The following XXYLT1 variants were observed in gnomAD, a reference collection of about 807,000 sequenced individuals.
XXYLT1 encodes the protein UDP-xylose:alpha-xyloside alpha-1,3-xylosyltransferase.
In XXYLT1, 20 loss-of-function variants were observed where a neutral mutation model predicts 28.9. That is an observed-to-expected ratio of 0.69 (90% CI 0.49 to 1.00). The LOEUF (loss-of-function observed/expected upper bound fraction) is 1.00. Ranked by LOEUF, XXYLT1 falls within the 50% of genes least tolerant of loss-of-function variation. The pLI is 0.00. For synonymous variants in XXYLT1, 257 were observed against 253.8 expected (o/e 1.01, Z -0.12); for missense variants, 542 against 560.1 (o/e 0.97, Z 0.33).
Position 195,131,659 on chromosome 3 carries a change from A to C in XXYLT1, c.785+24790T>G, listed in dbSNP as rs115897643. On this transcript the variant is annotated intron_variant, in intron 3 of 3. Coordinates refer to ENST00000310380, the MANE Select transcript of XXYLT1 (RefSeq NM_152531.5). ...CTGAGAACCTCCTTCTGCGAAGACC[A>C]CTCTCAGAGCACAAGCAGGGGCAGG... is the stretch of plus-strand genomic sequence containing the variant. Among the ~76,000 whole-genome samples, 507 of 152,230 alleles carry C rather than the reference A, an allele frequency of 3.3e-3. 2 individuals carry two copies. Among genetic ancestry groups the C allele is most frequent in the African/African-American group, 0.012 (486 of 41,542 alleles).
intron 3 of XXYLT1, among the ~76,000 whole-genome samples, chr3:195,106,493 G>A (rs547845550): frequency 1.1e-3 from 169 of 152,342 alleles, no homozygotes; most frequent in African/African-American, 3.3e-3. Flanking sequence ...TGTCTACGCC[G>A]GGCTCGCTGG....
At position 195,069,692 on chromosome 3, in the gene XXYLT1, C is replaced by T. The variant is rs571856496; in HGVS notation, c.*23G>A. The T allele has an allele frequency of 2.1e-5, 34 of 1,592,738 alleles. No homozygotes were observed. Among genetic ancestry groups the T allele is most frequent in the African/African-American group, 1.1e-4 (8 of 74,824 alleles). On this transcript the variant is annotated 3_prime_UTR_variant, in exon 4 of 4. Coordinates refer to ENST00000310380, the MANE Select transcript of XXYLT1 (RefSeq NM_152531.5). ...GTCCTTCCCCCAGATCTGGAGGCCC[C>T]GGGGGCAAGGCACGGGGAGCGCCTA...
Position 195,256,011 on chromosome 3 carries a change from A to G in XXYLT1, c.504+14544T>C, listed in dbSNP as rs549426518. 2.0e-5 allele frequency among the ~76,000 whole-genome samples: 3 copies of G among 152,276 alleles called. No individual in the cohort carries two copies. The East Asian group carries it at 5.8e-4, about 29-fold the overall frequency. On this transcript the variant is annotated intron_variant, in intron 1 of 3. Coordinates refer to ENST00000310380, the MANE Select transcript of XXYLT1 (RefSeq NM_152531.5). This position sits in a 1 kb window ranked among gnomAD's most constrained non-coding sequence, Gnocchi z 4.2. ...GGGATTCCCCTGTTCTGTGCCACCC[A>G]GCTGACCAGGGGAAGAGGCCACCCA... is the stretch of plus-strand genomic sequence containing the variant.
chr3:195,244,919 A>G (rs2108830605), intron 1 of XXYLT1, among the ~76,000 whole-genome samples: 1 of 149,394 alleles, frequency 6.7e-6, no homozygotes, highest in East Asian at 2.0e-4. Context: ...TGATCCCAGC[A>G]CTTTGGGAGG....
intron 1 of XXYLT1, among the ~76,000 whole-genome samples, chr3:195,247,113 A>C (rs1433850733): frequency 6.6e-6 from 1 of 152,188 alleles, no homozygotes; most frequent in Non-Finnish European, 1.5e-5. Flanking sequence ...AATTTTCCGG[A>C]CAGTAGAAGC....
intron 2 of XXYLT1, among the ~76,000 whole-genome samples, chr3:195,201,436 A>G (rs907528003): frequency 9.2e-5 from 14 of 152,052 alleles, no homozygotes; most frequent in African/African-American, 3.4e-4. Flanking sequence ...AGTCATCCCA[A>G]TGTATTCTCA....
intron 3 of XXYLT1, among the ~76,000 whole-genome samples, chr3:195,146,288 T>C (rs775170715): frequency 1.3e-5 from 2 of 152,276 alleles, no homozygotes; most frequent in Non-Finnish European, 2.9e-5. Flanking sequence ...TTTTGCTTTT[T>C]TTCCCCAGGA....
At chr3:195,110,439 A>AAAGTGTGTGGTGTGTTG (rs1173985886) in intron 3 of XXYLT1, among the ~76,000 whole-genome samples, 123 of 7,816 alleles carry the variant, frequency 0.016, 1 homozygote, top group Non-Finnish European at 0.026. Flanking sequence ...GTGCGTGTGT[A>AAAGTGTGTGGTGTGTTG]TGTGGTGTAA....
At position 195,124,924 on chromosome 3, in the gene XXYLT1, C is replaced by A. The variant is rs1718540264; in HGVS notation, c.785+31525G>T. On this transcript the variant is annotated intron_variant, in intron 3 of 3. Coordinates refer to ENST00000310380, the MANE Select transcript of XXYLT1 (RefSeq NM_152531.5). This position sits in a 1 kb window ranked among gnomAD's most constrained non-coding sequence, Gnocchi z 4.1. ...CAGGCTGCGGGTGCACAAGGCTGTC[C>A]CGGGTTATTTGAAGGACAGAGGGAA... Among the ~76,000 whole-genome samples the A allele has an allele frequency of 6.6e-6, 1 of 152,098 alleles. No homozygotes were observed. The highest frequency in any genetic ancestry group is 6.5e-5 in the Admixed American group (1 of 15,272).
intron 1 of XXYLT1, among the ~76,000 whole-genome samples, chr3:195,252,721 CACACACAGAG>C (rs1425678857): frequency 5.7e-4 from 77 of 134,908 alleles, no homozygotes; most frequent in African/African-American, 2.3e-3. Context: ...CACACACACA[CACACACAGAG>C]AGAGAGAGAG....
At position 195,115,140 on chromosome 3, in the gene XXYLT1, T is replaced by C. The variant is rs531835435; in HGVS notation, c.785+41309A>G. On this transcript the variant is annotated intron_variant, in intron 3 of 3. Transcript: ENST00000310380. The surrounding 1 kb of genome is among the most constrained non-coding windows in gnomAD (Gnocchi z 4.2). ...GCCCAAACGGCGAGAGCTCGGGACG[T>C]GAATCAGGTGCTGCGACTCGGGAAC... Among the ~76,000 whole-genome samples, 1 of 152,292 alleles carries C rather than the reference T, an allele frequency of 6.6e-6. No individual in the cohort carries two copies. Among genetic ancestry groups the C allele is most frequent in the East Asian group, 1.9e-4 (1 of 5,188 alleles).
intron 3 of XXYLT1, among the ~76,000 whole-genome samples, chr3:195,071,384 GCC>G (rs1354785513): frequency 6.6e-6 from 1 of 152,342 alleles, no homozygotes; most frequent in East Asian, 1.9e-4. Flanking sequence ...GCCCAGGGTG[GCC>G]CTGAGGGGCC....
At chr3:195,262,948 C>T (rs1228210142) in intron 1 of XXYLT1, among the ~76,000 whole-genome samples, 1 of 152,222 alleles carries the variant, frequency 6.6e-6, no homozygotes, top group Non-Finnish European at 1.5e-5. Context: ...GAGCCTCTCC[C>T]TTCAGGACAT....
chr3:195,149,238 T>C (rs1560120639), intron 3 of XXYLT1, among the ~76,000 whole-genome samples: 5 of 152,272 alleles, frequency 3.3e-5, no homozygotes, highest in South Asian at 4.1e-4. Flanking sequence ...GATAAAAATA[T>C]AGAAAATTTC....
intron 3 of XXYLT1, among the ~76,000 whole-genome samples, chr3:195,110,772 T>TCTAA (rs1560101614): frequency 3.0e-5 from 2 of 66,026 alleles, no homozygotes; most frequent in South Asian, 5.0e-4. Context: ...GTGTGTGGTG[T>TCTAA]GTGTGTGGTG....
chr3:195,080,921 C>A (rs1374120415), intron 3 of XXYLT1, among the ~76,000 whole-genome samples: 1 of 152,238 alleles, frequency 6.6e-6, no homozygotes, highest in Non-Finnish European at 1.5e-5. Context: ...TGTGTTACTT[C>A]TCAAGATCAG....
chr3:195,107,592 A>G (rs1166033937), intron 3 of XXYLT1, among the ~76,000 whole-genome samples: 1 of 21,508 alleles, frequency 4.6e-5, no homozygotes, highest in African/African-American at 2.6e-4. Context: ...GAGGGGGAGG[A>G]GGAGGGGGAG....
intron 2 of XXYLT1, among the ~76,000 whole-genome samples, chr3:195,200,028 C>T (rs1008804503): frequency 5.3e-5 from 8 of 152,236 alleles, no homozygotes; most frequent in African/African-American, 1.7e-4. Context: ...ATGGTGTACA[C>T]TGTGACCCTC....
chr3:195,256,499 C>A lies in XXYLT1; in HGVS notation c.504+14056G>T. Reference sequence around the variant, plus strand: ...GACGGAAGGGAAGTCAGCACGGAAGCCTCACCTAGGGTCATTCCAGGGATT... The same window carrying A: ...GACGGAAGGGAAGTCAGCACGGAAGACTCACCTAGGGTCATTCCAGGGATT... On this transcript the variant is annotated intron_variant, in intron 1 of 3. Coordinates refer to ENST00000310380, the MANE Select transcript of XXYLT1 (RefSeq NM_152531.5). The surrounding 1 kb of genome is among the most constrained non-coding windows in gnomAD (Gnocchi z 4.2). 1.0e-6 allele frequency: 1 copy of A among 985,386 alleles called. No individual in the cohort carries two copies. The highest frequency in any genetic ancestry group is 1.2e-6 in the Non-Finnish European group (1 of 829,904). 61.0% of individuals were successfully genotyped at this position (985,386 alleles called of 1,614,324 possible).
Sources: allele counts gnomAD v4.1 joint callset (sites outside exome capture counted in the v4.1 genomes callset), GRCh38; gene constraint gnomAD v4.1.1; non-coding constraint Gnocchi (gnomAD v3.1); transcripts MANE v1.5; gene names NCBI Gene and HGNC (gene_info 2026-07-23, HGNC 2026-07-21).